Variants in FAM228B observed in about 807,000 individuals in gnomAD.
FAM228B encodes protein FAM228B.
Under a neutral mutation model 42.6 loss-of-function variants are expected in FAM228B, and 38 were observed. The ratio of observed to expected loss-of-function variants is 0.89; its 90% confidence interval spans 0.69 to 1.17. The LOEUF (loss-of-function observed/expected upper bound fraction) is 1.17. FAM228B is among the 50% of genes most tolerant of loss of function. The pLI is 0.00. For missense variants in FAM228B, 344 were observed against 367.3 expected, an observed-to-expected ratio of 0.94 and a Z score of 0.52; for synonymous variants, 109 against 122.3, an observed-to-expected ratio of 0.89 and a Z score of 0.72.
In FAM228B at chr2:24,077,637, T is replaced by C. The variant is rs529138265; in HGVS notation, c.-290+668T>C. On this transcript the variant is annotated intron_variant, in intron 1 of 10. Transcript: ENST00000613899. The surrounding 1 kb of genome is among the most constrained non-coding windows in gnomAD (Gnocchi z 5.5). ...GTTCTTGTTGGCCTCCATGTACTTA[T>C]GGGCCTCCTGGATTTCGGTCACTGG... The C allele has an allele frequency of 1.9e-6, 3 of 1,614,078 alleles. No individual in the cohort carries two copies. Among genetic ancestry groups the C allele is most frequent in the African/African-American group, 2.7e-5 (2 of 75,006 alleles).
At chr2:24,151,919 A>G (rs1667033237) in intron 7 of FAM228B, among the ~76,000 whole-genome samples, 1 of 152,004 alleles carries the variant, frequency 6.6e-6, no homozygotes, top group Non-Finnish European at 1.5e-5. Flanking sequence ...GCCAGGCTGG[A>G]GTGCAGTGGC....
upstream of FAM228B, chr2:24,121,055 G>T: frequency 7.1e-7 from 1 of 1,411,152 alleles, no homozygotes; most frequent in Non-Finnish European, 9.6e-7. Flanking sequence ...AATGGCTCAA[G>T]ACATTAATGG....
chr2:24,077,884 A>AC lies in FAM228B; in HGVS notation c.-290+919dup. ...CTGAAAAAGCACACAGGGACACTTA[A>AC]CCCCTCACTTCCTAGCATGTGTGTG... On this transcript the variant is annotated intron_variant, in intron 1 of 10. Transcript: ENST00000613899. The surrounding 1 kb of genome is among the most constrained non-coding windows in gnomAD (Gnocchi z 5.5). 1 of 1,003,402 alleles carries AC rather than the reference A, an allele frequency of 1.0e-6. No individual in the cohort carries two copies. The highest frequency in any genetic ancestry group is 1.5e-6 in the Non-Finnish European group (1 of 683,382). The allele number at this position is 1,003,402 out of a possible 1,614,324, so 62.2% of individuals were successfully genotyped here.
upstream of FAM228B, among the ~76,000 whole-genome samples, chr2:24,118,594 G>T (rs1035654603): frequency 6.6e-6 from 1 of 152,216 alleles, no homozygotes; most frequent in African/African-American, 2.4e-5. Flanking sequence ...ATAAAGGTAT[G>T]CATAAAATAC....
chr2:24,090,577 AAAAAAAT>A (rs1421156794), intron 2 of FAM228B, among the ~76,000 whole-genome samples: 2 of 151,806 alleles, frequency 1.3e-5, no homozygotes, highest in African/African-American at 4.8e-5. Context: ...AAAAAAAAAA[AAAAAAAT>A]AGGAAATGGA....
chr2:24,115,643 T>C lies in FAM228B; in HGVS notation c.-120-19476T>C, dbSNP rs774127403. Reference sequence around the variant, plus strand: ...GCAAACACAGCATGGTTATTATTTATGAGCTGCAAATTATCACTACAAATG... The same window carrying C: ...GCAAACACAGCATGGTTATTATTTACGAGCTGCAAATTATCACTACAAATG... On this transcript the variant is annotated intron_variant, in intron 3 of 10. Coordinates refer to the FAM228B transcript ENST00000613899. 3 of 1,605,242 alleles carry C rather than the reference T, an allele frequency of 1.9e-6. No homozygotes were observed. The African/African-American group carries it at 4.0e-5, about 22-fold the overall frequency.
intron 7 of FAM228B, among the ~76,000 whole-genome samples, chr2:24,155,504 C>CATATATATATATATATAT (rs1156603467): frequency 8.4e-5 from 3 of 35,908 alleles, no homozygotes; most frequent in East Asian, 7.0e-4. Flanking sequence ...GAAGACCATG[C>CATATATATATATATATAT]ATATATATAT....
chr2:24,145,412 A>G (rs890488750), intron 5 of FAM228B, among the ~76,000 whole-genome samples: 1 of 152,176 alleles, frequency 6.6e-6, no homozygotes, highest in Non-Finnish European at 1.5e-5. Context: ...TGTTGCACGC[A>G]CCCAGGATCA....
chr2:24,122,755 G>T, upstream of FAM228B: 1 of 427,000 alleles, frequency 2.3e-6, no homozygotes, highest in Non-Finnish European at 4.1e-6. Flanking sequence ...AGCTCACACA[G>T]AATAGGTTAT....
chr2:24,126,081 T>C (rs1222927844), intron 2 of FAM228B, among the ~76,000 whole-genome samples: 1 of 152,248 alleles, frequency 6.6e-6, no homozygotes, highest in Non-Finnish European at 1.5e-5. Context: ...TTATGGACAT[T>C]TGGGTTGATT....
At chr2:24,163,561 G>C (rs753734396) in intron 8 of FAM228B, among the ~76,000 whole-genome samples, 3 of 152,106 alleles carry the variant, frequency 2.0e-5, no homozygotes, top group African/African-American at 7.2e-5. Flanking sequence ...TGCATATTAG[G>C]GTCCAAAGGA....
At chr2:24,165,743 A>G in intron 9 of FAM228B, 3 of 312,476 alleles carry the variant, frequency 9.6e-6, no homozygotes, top group Non-Finnish European at 1.3e-5. Context: ...GAAAGTTTAT[A>G]GAAATATTAG....
chr2:24,100,755 A>T (rs1665590945), intron 3 of FAM228B, among the ~76,000 whole-genome samples: 1 of 152,240 alleles, frequency 6.6e-6, no homozygotes, highest in African/African-American at 2.4e-5. Flanking sequence ...CAGCAATCCC[A>T]TTACTGGGTA....
Position 24,084,190 on chromosome 2 carries a change from T to C in FAM228B, c.-210+3235T>C, listed in dbSNP as rs1463050774. 2 of 1,611,240 alleles carry C rather than the reference T, an allele frequency of 1.2e-6. No homozygotes were observed. The highest frequency in any genetic ancestry group is 8.5e-7 in the Non-Finnish European group (1 of 1,179,044). ...CCGGCGCGGCTGAGCCCTGGGTACC[T>C]GCATTAAGTCCGCCCGGTTCAGGGC... On this transcript the variant is annotated intron_variant, in intron 2 of 10. Transcript: ENST00000613899. This position sits in a 1 kb window ranked among gnomAD's most constrained non-coding sequence, Gnocchi z 8.4.
chr2:24,102,667 G>A (rs113708283), intron 3 of FAM228B, among the ~76,000 whole-genome samples: 1 of 152,208 alleles, frequency 6.6e-6, no homozygotes, highest in African/African-American at 2.4e-5. Context: ...GAACCCTGGA[G>A]GTGGAGGTTG....
At chr2:24,107,303 G>A (rs1334008093) in intron 3 of FAM228B, among the ~76,000 whole-genome samples, 2 of 152,148 alleles carry the variant, frequency 1.3e-5, no homozygotes, top group African/African-American at 4.8e-5. Flanking sequence ...CCTATGAAGA[G>A]ATTTAGATTC....
intron 7 of FAM228B, among the ~76,000 whole-genome samples, chr2:24,152,867 G>T (rs1005847274): frequency 4.6e-5 from 7 of 152,156 alleles, no homozygotes; most frequent in Admixed American, 3.9e-4. Flanking sequence ...TTACCTGATG[G>T]TCTTTTCTAC....
chr2:24,127,809 T>G (rs1666354032), intron 2 of FAM228B, among the ~76,000 whole-genome samples: 1 of 152,102 alleles, frequency 6.6e-6, no homozygotes, highest in African/African-American at 2.4e-5. Flanking sequence ...ATTACAGATG[T>G]GCACCACCAT....
intron 2 of FAM228B, among the ~76,000 whole-genome samples, chr2:24,089,556 C>A (rs777383703): frequency 1.3e-5 from 2 of 152,078 alleles, no homozygotes; most frequent in Non-Finnish European, 2.9e-5. Context: ...AAGGCATGGT[C>A]AGTTTCCATC....
Sources: allele counts gnomAD v4.1 joint callset (sites outside exome capture counted in the v4.1 genomes callset), GRCh38; gene constraint gnomAD v4.1.1; non-coding constraint Gnocchi (gnomAD v3.1); transcripts MANE v1.5; gene names NCBI Gene and HGNC (gene_info 2026-07-23, HGNC 2026-07-21).